The following MEGF8 variants were observed in gnomAD, a reference collection of about 807,000 sequenced individuals.
MEGF8 encodes multiple epidermal growth factor-like domains protein 8.
In MEGF8, 156 loss-of-function variants were observed where a neutral mutation model predicts 302.9. That is an observed-to-expected ratio of 0.52 (90% CI 0.45 to 0.59). The LOEUF is 0.59. MEGF8 is among the 20% of genes least tolerant of loss of function. MEGF8 has a pLI of 0.00. For synonymous variants in MEGF8, 1,621 were observed against 1,660.5 expected (o/e 0.98, Z 0.58); for missense variants, 3,345 against 3,964.5 (o/e 0.84, Z 4.20).
At position 42,336,732 on chromosome 19, in the gene MEGF8, A is replaced by C. The variant is rs761677976; in HGVS notation, c.1245-75A>C. On this transcript the variant is annotated intron_variant, in intron 6 of 41. Transcript: ENST00000251268. This position sits in a 1 kb window ranked among gnomAD's most constrained non-coding sequence, Gnocchi z 4.8. ...GCCAGTCTCATCCCTGGGTGATCAC[A>C]TGGCTCCTAAGAGCCTGGAGGAGGG... 3.7e-5 allele frequency: 56 copies of C among 1,510,384 alleles called. No homozygotes were observed. Among genetic ancestry groups the C allele is most frequent in the Non-Finnish European group, 4.4e-5 (50 of 1,129,770 alleles). 93.6% of individuals were successfully genotyped at this position (1,510,384 alleles called of 1,614,324 possible). A position where few individuals can be genotyped will look rare whatever the true frequency, so the allele number is the denominator to read the frequency against.
chr19:42,337,475 C>G (rs1259128560), intron 8 of MEGF8, among the ~76,000 whole-genome samples: 1 of 150,200 alleles, frequency 6.7e-6, no homozygotes, highest in African/African-American at 2.5e-5. Context: ...GAGGCAGCAA[C>G]TTTTCCTTCT....
Position 42,353,665 on chromosome 19 carries a change from G to A in MEGF8, c.3751G>A (p.Gly1251Arg). ...HCQLCSPGYY[G>R]DPRAGGSCFR... ...CCAGCTCTGCTCCCCAGGCTATTAT[G>A]GGGATCCCCGGTGAGCCAACGGGCC... The change falls in exon 21 of 42, where the codon GGG (glycine) becomes AGG (arginine). Residue 1251 changes from glycine to arginine, a missense_variant. By Grantham distance (125) the Gly-to-Arg change is moderately radical. Transcript: ENST00000251268. This position sits in a 1 kb window ranked among gnomAD's most constrained non-coding sequence, Gnocchi z 6.1. The A allele has an allele frequency of 6.3e-7, 1 of 1,576,516 alleles. No homozygotes were observed. The highest frequency in any genetic ancestry group is 8.6e-7 in the Non-Finnish European group (1 of 1,157,468).
Position 42,353,500 on chromosome 19 carries a change from C to T in MEGF8, c.3586C>T (p.Pro1196Ser). 1 of 1,610,980 alleles carries T rather than the reference C, an allele frequency of 6.2e-7. No individual in the cohort carries two copies. Among genetic ancestry groups the T allele is most frequent in the South Asian group, 1.1e-5 (1 of 90,764 alleles). The change falls in exon 21 of 42, where the codon CCC becomes TCC. Residue 1196 changes from proline to serine, a missense_variant. Pro to Ser is a moderately conservative substitution (Grantham distance 74). Transcript: ENST00000251268. The surrounding 1 kb of genome is among the most constrained non-coding windows in gnomAD (Gnocchi z 6.1). ...GGGGGAGCACTGCGAACGATGCCGGCCCGGCAGCTTCGGCAACGCCACAGG... is the reference window on the plus strand; with the variant it reads ...GGGGGAGCACTGCGAACGATGCCGGTCCGGCAGCTTCGGCAACGCCACAGG... ...TWGEHCERCR[P>S]GSFGNATGSR...
chr19:42,360,686 C>T, intron 31 of MEGF8, 89 bp from the exon 32 acceptor site: 1 of 1,528,818 alleles, frequency 6.5e-7, no homozygotes, highest in African/African-American at 1.4e-5. Context: ...TCCTCTTTCC[C>T]TGCATCCTTC....
rs575648777 is a variant in MEGF8 at position 42,371,561 on chromosome 19, C to T, written c.7269+79C>T. The T allele has an allele frequency of 3.6e-5, 57 of 1,579,552 alleles. No individual in the cohort carries two copies. In the East Asian group the frequency reaches 7.6e-4, roughly 21 times the overall value. On this transcript the variant is annotated intron_variant, in intron 41 of 41. Transcript: ENST00000251268. ...AGGGCTGGGATGAGGTAGCCAGGCT[C>T]GGGCAGGACTGACAACATGGTTCCA...
chr19:42,326,435 G>T lies in MEGF8; in HGVS notation c.187+5G>T. 1 of 1,526,614 alleles carries T rather than the reference G, an allele frequency of 6.6e-7. No homozygotes were observed. Among genetic ancestry groups the T allele is most frequent in the Admixed American group, 2.4e-5 (1 of 41,388 alleles). The allele number at this position is 1,526,614 out of a possible 1,614,324, so 94.6% of individuals were successfully genotyped here. On this transcript the variant is annotated splice_donor_5th_base_variant and intron_variant, in intron 1 of 41. Coordinates refer to ENST00000251268, the MANE Select transcript of MEGF8 (RefSeq NM_001271938.2). Reference sequence around the variant, plus strand: ...ACTGCGAGTGGCTCATCGAGGGTGAGTGGGGCCGCGTGGGTCACTCACTAA... The same window carrying T: ...ACTGCGAGTGGCTCATCGAGGGTGATTGGGGCCGCGTGGGTCACTCACTAA...
chr19:42,331,268 C>A (rs970674946), intron 1 of MEGF8, among the ~76,000 whole-genome samples: 6 of 152,168 alleles, frequency 3.9e-5, no homozygotes, highest in African/African-American at 1.4e-4. Context: ...CAGGATCACC[C>A]AGCCATTGGC....
At position 42,352,358 on chromosome 19, in the gene MEGF8, G is replaced by A. The variant is rs754843722; in HGVS notation, c.3252G>A (p.Arg1084=). The A allele has an allele frequency of 6.3e-7, 1 of 1,589,154 alleles. No homozygotes were observed. Among genetic ancestry groups the A allele is most frequent in the South Asian group, 1.1e-5 (1 of 87,386 alleles). Residue 1084 remains arginine, a synonymous_variant, in exon 19 of 42, where the codon CGG becomes CGA. Coordinates refer to ENST00000251268, the MANE Select transcript of MEGF8 (RefSeq NM_001271938.2). This position sits in a 1 kb window ranked among gnomAD's most constrained non-coding sequence, Gnocchi z 4.4. The part of the protein sequence containing the change: ...DVDECRLGLA[R]CHPRATCLNT... ...ATGAGTGTCGCCTGGGCCTGGCCCG[G>A]TGCCACCCGCGGGCGACCTGCCTGA...
rs772122810 is a variant in MEGF8, at chr19:42,356,737, A to T, written c.4623-37A>T. On this transcript the variant is annotated intron_variant, in intron 26 of 41. Transcript: ENST00000251268. The surrounding 1 kb of genome is among the most constrained non-coding windows in gnomAD (Gnocchi z 5.2). ...GGTCACCTTGAAGGATGCTGGGATG[A>T]CTGTAATGAGGCTGCTTTTTTGCAC... 112 of 1,518,672 alleles carry T rather than the reference A, an allele frequency of 7.4e-5. No individual in the cohort carries two copies. Among genetic ancestry groups the T allele is most frequent in the Non-Finnish European group, 9.6e-5 (108 of 1,127,634 alleles). The allele number at this position is 1,518,672 out of a possible 1,614,324, so 94.1% of individuals were successfully genotyped here.
Position 42,378,590 on chromosome 19 carries a change from CTCCTT to C in MEGF8, c.*1819_*1823del, listed in dbSNP as rs901986815. On this transcript the variant is annotated 3_prime_UTR_variant, in exon 42 of 42. Transcript: ENST00000251268. Reference sequence around the variant, plus strand: ...TAGCTGTCTTCTTGAACTTGGGACTCTCCTTTCCCAAGACTTCCATCACTAGCTCC... The same window carrying C: ...TAGCTGTCTTCTTGAACTTGGGACTCTCCCAAGACTTCCATCACTAGCTCC... 3 of 153,822 alleles carry C rather than the reference CTCCTT, an allele frequency of 2.0e-5. No individual in the cohort carries two copies. Among genetic ancestry groups the C allele is most frequent in the African/African-American group, 7.2e-5 (3 of 41,450 alleles). The allele number at this position is 153,822 out of a possible 1,614,324, so 9.5% of individuals were successfully genotyped here. A position where few individuals can be genotyped will look rare whatever the true frequency, so the allele number is the denominator to read the frequency against.
chr19:42,326,326 G>C lies in MEGF8; in HGVS notation c.83G>C (p.Gly28Ala). ...TCGCTGTCCCCTGGGGCCCGGGCGG[G>C]GGACTGCAAGGGGCAGCGGCAGGTG... ...LGSLSPGARA[G>A]DCKGQRQVLR... The change falls in exon 1 of 42, where the codon GGG becomes GCG. Residue 28 changes from glycine to alanine, a missense_variant. By Grantham distance (60) the Gly-to-Ala change is moderately conservative. Transcript: ENST00000251268. 1 of 1,569,868 alleles carries C rather than the reference G, an allele frequency of 6.4e-7. No individual in the cohort carries two copies. The highest frequency in any genetic ancestry group is 1.4e-5 in the African/African-American group (1 of 71,356).
Position 42,357,618 on chromosome 19 carries a change from T to G in MEGF8, c.5011+34T>G. On this transcript the variant is annotated intron_variant, in intron 28 of 41. Transcript: ENST00000251268. The surrounding 1 kb of genome is among the most constrained non-coding windows in gnomAD (Gnocchi z 5.2). ...GGGGACCGGGAGGGGACAGCCCCCG[T>G]GGACCTCCCGGGCATCTGGGCTTCC... is the stretch of plus-strand genomic sequence containing the variant. The G allele has an allele frequency of 6.5e-7, 1 of 1,545,144 alleles. No individual in the cohort carries two copies.
intron 1 of MEGF8, among the ~76,000 whole-genome samples, chr19:42,331,572 C>CT (rs771047078): frequency 1.6e-3 from 233 of 144,960 alleles, no homozygotes; most frequent in South Asian, 7.5e-3. Context: ...GTCAACATTT[C>CT]TTTTTTTTTT....
At position 42,356,663 on chromosome 19, in the gene MEGF8, C is replaced by G; in HGVS notation, c.4623-111C>G. 1 of 1,165,204 alleles carries G rather than the reference C, an allele frequency of 8.6e-7. No individual in the cohort carries two copies. Among genetic ancestry groups the G allele is most frequent in the East Asian group, 2.6e-5 (1 of 38,682 alleles). The allele number at this position is 1,165,204 out of a possible 1,614,324, so 72.2% of individuals were successfully genotyped here. Reference sequence around the variant, plus strand: ...GCTACTCCAGGGAATGGCAAGAGGACTGTCATAGGAAGGTCACCCCAGGGG... The same window carrying G: ...GCTACTCCAGGGAATGGCAAGAGGAGTGTCATAGGAAGGTCACCCCAGGGG... On this transcript the variant is annotated intron_variant, in intron 26 of 41. Transcript: ENST00000251268. The surrounding 1 kb of genome is among the most constrained non-coding windows in gnomAD (Gnocchi z 5.2).
Position 42,352,794 on chromosome 19 carries a change from G to A in MEGF8, c.3351-134G>A. 4.3e-6 allele frequency: 3 copies of A among 704,800 alleles called. No homozygotes were observed. The highest frequency in any genetic ancestry group is 4.0e-4 in the Middle Eastern group (1 of 2,524). The allele number at this position is 704,800 out of a possible 1,614,324, so 43.7% of individuals were successfully genotyped here. A position where few individuals can be genotyped will look rare whatever the true frequency, so the allele number is the denominator to read the frequency against. The stretch of plus-strand genomic sequence containing the variant: ...GATGCATGGAGTTACCTTGGAGACA[G>A]GGTCACCCACATAGCCCAAAACCAT... On this transcript the variant is annotated intron_variant, in intron 19 of 41. Transcript: ENST00000251268. The surrounding 1 kb of genome is among the most constrained non-coding windows in gnomAD (Gnocchi z 4.4).
rs745476792 is a variant in MEGF8, at chr19:42,353,050, G to A, written c.3473G>A (p.Arg1158His). The A allele has an allele frequency of 3.5e-5, 55 of 1,549,800 alleles. No homozygotes were observed. The East Asian group carries it at 8.6e-4, about 24-fold the overall frequency. Reference sequence around the variant, plus strand: ...CCCGCCCCGGGTCCGCCAGCCCCCCGCTGCTCCCGGGACTGTGGCTGCAGC... The same window carrying A: ...CCCGCCCCGGGTCCGCCAGCCCCCCACTGCTCCCGGGACTGTGGCTGCAGC... ...PTPAPGPPAP[R>H]CSRDCGCSFH... Residue 1158 changes from arginine to histidine, a missense_variant, in exon 20 of 42, where the codon CGC becomes CAC. By Grantham distance (29) the Arg-to-His change is conservative. Coordinates refer to ENST00000251268, the MANE Select transcript of MEGF8 (RefSeq NM_001271938.2). This position sits in a 1 kb window ranked among gnomAD's most constrained non-coding sequence, Gnocchi z 6.1.
At position 42,366,150 on chromosome 19, in the gene MEGF8, A is replaced by G. The variant is rs1477497775; in HGVS notation, c.6274-2305A>G. 4.6e-5 allele frequency among the ~76,000 whole-genome samples: 7 copies of G among 152,192 alleles called. 1 individual carries two copies. Among genetic ancestry groups the G allele is most frequent in the African/African-American group, 1.4e-4 (6 of 41,448 alleles). On this transcript the variant is annotated intron_variant, in intron 35 of 41. Transcript: ENST00000251268. ...CAAACATAATAGGCGTGCAGGTGATACCTGTTATGATTTGGCTCAAGGGCT... is the reference window on the plus strand; with the variant it reads ...CAAACATAATAGGCGTGCAGGTGATGCCTGTTATGATTTGGCTCAAGGGCT...
In MEGF8 at chr19:42,352,983, G is replaced by A. The variant is rs771657070; in HGVS notation, c.3406G>A (p.Val1136Met). Residue 1136 changes from valine (V) to methionine (M), a missense_variant, in exon 20 of 42, where the codon GTG becomes ATG. Val to Met is a conservative substitution (Grantham distance 21). Transcript: ENST00000251268. The surrounding 1 kb of genome is among the most constrained non-coding windows in gnomAD (Gnocchi z 4.4). Reference protein sequence around the residue: ...VCSGPPDFTCVCDLGWTSDLP... With the variant: ...VCSGPPDFTCMCDLGWTSDLP... ...CAGTGGCCCCCCGGACTTTACCTGC[G>A]TGTGTGACCTAGGCTGGACATCAGA... The A allele has an allele frequency of 1.4e-5, 22 of 1,598,902 alleles. No individual in the cohort carries two copies. The highest frequency in any genetic ancestry group is 9.0e-5 in the East Asian group (4 of 44,218).
intron 40 of MEGF8, 45 bp from the exon 41 acceptor site, chr19:42,371,305 C>G (rs1402273502): frequency 3.7e-6 from 6 of 1,606,042 alleles, no homozygotes; most frequent in East Asian, 4.5e-5. Context: ...CATCCTGGAC[C>G]ACTGCAGGCC....
Sources: gnomAD v4.1 joint callset for allele counts (sites outside exome capture counted in the v4.1 genomes callset) on GRCh38, gnomAD v4.1.1 for gene constraint, Gnocchi (gnomAD v3.1) non-coding constraint, MANE v1.5 for transcripts, NCBI Gene and HGNC (gene_info 2026-07-23, HGNC 2026-07-21) for gene names.